The following RNF24 variants were observed in gnomAD, a reference collection of about 807,000 sequenced individuals.
The protein encoded by RNF24 is ring finger protein 24.
In RNF24, 14 loss-of-function variants were observed where a neutral mutation model predicts 20.0. The ratio of observed to expected loss-of-function variants is 0.70; its 90% CI spans 0.46 to 1.10. The LOEUF (loss-of-function observed/expected upper bound fraction) is 1.10. RNF24 is among the 50% of genes least tolerant of loss of function. The probability of loss-of-function intolerance (pLI) is 0.00; values close to 1 mark genes in which losing one functional copy is unlikely to be tolerated. For missense variants in RNF24, 124 were observed against 177.6 expected (o/e 0.70, Z 1.71); for synonymous variants, 45 against 61.1 (o/e 0.74, Z 1.23).
rs577152564 is a variant in RNF24, at chr20:4,002,108, G to A, written c.-8+13329C>T. Among the ~76,000 whole-genome samples, 87 of 152,070 alleles carry A rather than the reference G, an allele frequency of 5.7e-4. 3 individuals carry two copies. The South Asian group carries it at 0.012, about 22-fold the overall frequency. Reference sequence around the variant, plus strand: ...TCTACCAAAAATACAAAAATTAGCCGGGCGTGGTGGCTCATGCCTGTAATC... The same window carrying A: ...TCTACCAAAAATACAAAAATTAGCCAGGCGTGGTGGCTCATGCCTGTAATC... On this transcript the variant is annotated intron_variant, in intron 1 of 5. Transcript: ENST00000358395.
At chr20:3,986,179 T>A (rs566942096) in intron 1 of RNF24, among the ~76,000 whole-genome samples, 1 of 152,346 alleles carries the variant, frequency 6.6e-6, no homozygotes, top group East Asian at 1.9e-4. Context: ...GTTTTTTAAC[T>A]GTTCTTTTCA....
chr20:3,986,852 T>C (rs776096693), intron 1 of RNF24, among the ~76,000 whole-genome samples: 5 of 152,126 alleles, frequency 3.3e-5, no homozygotes, highest in Non-Finnish European at 7.3e-5. Flanking sequence ...GGTTTCGCCA[T>C]GTTAGCCAGG....
rs976733873 is a variant in RNF24, at chr20:3,981,780, A to C, written c.-7-17756T>G. Among the ~76,000 whole-genome samples the C allele has an allele frequency of 3.9e-5, 6 of 152,118 alleles. No individual in the cohort carries two copies. The East Asian group carries it at 1.2e-3, about 29-fold the overall frequency. On this transcript the variant is annotated intron_variant, in intron 1 of 5. Coordinates refer to ENST00000358395, the MANE Select transcript of RNF24 (RefSeq NM_001134337.3). ...CTACTCTTCCTCTTTAATATTTTCAAGGCTATTCTTACATAATCTTTTTTT... is the reference window on the plus strand; with the variant it reads ...CTACTCTTCCTCTTTAATATTTTCACGGCTATTCTTACATAATCTTTTTTT...
At chr20:3,941,325 T>G (rs1272135883) in intron 4 of RNF24, among the ~76,000 whole-genome samples, 1 of 152,118 alleles carries the variant, frequency 6.6e-6, no homozygotes, top group Non-Finnish European at 1.5e-5. Flanking sequence ...AATGATGGGA[T>G]TTTTCAATGT....
At chr20:4,006,128 G>A (rs117485555) in intron 1 of RNF24, among the ~76,000 whole-genome samples, 5,620 of 152,162 alleles carry the variant, frequency 0.037, 149 homozygotes, top group South Asian at 0.06. Context: ...TGTAATCCCC[G>A]CACTCTAGGA....
At chr20:3,974,816 G>A (rs1978722021) in intron 1 of RNF24, among the ~76,000 whole-genome samples, 1 of 151,974 alleles carries the variant, frequency 6.6e-6, no homozygotes. Context: ...ACTCAGCATA[G>A]GAAAGATATT....
At chr20:3,960,220 T>A (rs1237714639) in intron 2 of RNF24, among the ~76,000 whole-genome samples, 1 of 152,152 alleles carries the variant, frequency 6.6e-6, no homozygotes, top group Non-Finnish European at 1.5e-5. Context: ...GAGCTTAGGT[T>A]ATCATAAAAA....
intron 1 of RNF24, among the ~76,000 whole-genome samples, chr20:3,976,459 T>C (rs1042420423): frequency 2.0e-5 from 3 of 152,174 alleles, no homozygotes; most frequent in African/African-American, 4.8e-5. Flanking sequence ...CTCTGGAAAA[T>C]AGTTTGTCAG....
chr20:3,980,607 G>A (rs745824955), intron 1 of RNF24, among the ~76,000 whole-genome samples: 1 of 152,044 alleles, frequency 6.6e-6, no homozygotes, highest in South Asian at 2.1e-4. Context: ...AAATAAGGGC[G>A]AACTACTGTA....
intron 2 of RNF24, among the ~76,000 whole-genome samples, chr20:3,953,226 A>G (rs529440586): frequency 6.6e-6 from 1 of 152,074 alleles, no homozygotes; most frequent in Non-Finnish European, 1.5e-5. Context: ...ATCTCGGCTC[A>G]CTGCAAGCTC....
Position 3,932,751 on chromosome 20 carries a change from G to A in RNF24, c.*1312C>T, listed in dbSNP as rs781563055. ...CTAAGATGGAGGGAGGCGGAGAGCA[G>A]GGCTGTGGAAAAGAATTTTCCATCT... On this transcript the variant is annotated 3_prime_UTR_variant, in exon 6 of 6. Transcript: ENST00000358395. 5.0e-6 allele frequency: 2 copies of A among 396,850 alleles called. No individual in the cohort carries two copies. The highest frequency in any genetic ancestry group is 8.9e-6 in the Non-Finnish European group (2 of 225,520). 24.6% of individuals were successfully genotyped at this position (396,850 alleles called of 1,614,324 possible).
chr20:3,977,407 G>A (rs1056189201), intron 1 of RNF24, among the ~76,000 whole-genome samples: 1 of 152,108 alleles, frequency 6.6e-6, no homozygotes, highest in Non-Finnish European at 1.5e-5. Flanking sequence ...ATGACTAGCA[G>A]AGAGGAAAAA....
chr20:3,940,633 A>C (rs1489457997), intron 4 of RNF24, among the ~76,000 whole-genome samples: 1 of 152,182 alleles, frequency 6.6e-6, no homozygotes, highest in Non-Finnish European at 1.5e-5. Context: ...GCCTAGACAT[A>C]TCATAAATTG....
At chr20:3,995,146 T>C (rs1050337052) in intron 1 of RNF24, among the ~76,000 whole-genome samples, 3 of 152,216 alleles carry the variant, frequency 2.0e-5, no homozygotes, top group African/African-American at 7.2e-5. Flanking sequence ...CGGGGACTTG[T>C]AGGCAAGTCT....
intron 4 of RNF24, among the ~76,000 whole-genome samples, chr20:3,935,706 C>A (rs983483750): frequency 1.3e-5 from 2 of 152,194 alleles, no homozygotes; most frequent in African/African-American, 4.8e-5. Flanking sequence ...TGGAGAGAGG[C>A]CTTTGCCATC....
chr20:3,995,319 G>A (rs1335570530), intron 1 of RNF24, among the ~76,000 whole-genome samples: 1 of 151,966 alleles, frequency 6.6e-6, no homozygotes, highest in Non-Finnish European at 1.5e-5. Context: ...CATCTCCCTG[G>A]GCCACTCTGG....
chr20:3,984,210 C>T (rs1265292825), intron 1 of RNF24, among the ~76,000 whole-genome samples: 5 of 150,820 alleles, frequency 3.3e-5, no homozygotes, highest in Admixed American at 3.3e-4. Context: ...ACTCCAGTTT[C>T]GGTAACAGAG....
At chr20:3,944,525 GA>G (rs556914399) in intron 4 of RNF24, among the ~76,000 whole-genome samples, 2 of 152,226 alleles carry the variant, frequency 1.3e-5, no homozygotes, top group East Asian at 3.9e-4. Flanking sequence ...AGAAAACCCA[GA>G]AAGGGAGAAG....
chr20:3,964,078 C>T, intron 1 of RNF24, 54 bp from the exon 2 acceptor site: 2 of 1,523,272 alleles, frequency 1.3e-6, no homozygotes, highest in Admixed American at 1.8e-5. Flanking sequence ...AGAACCAAGA[C>T]AGCATTATCA....
Sources: allele counts gnomAD v4.1 joint callset (sites outside exome capture counted in the v4.1 genomes callset), GRCh38; gene constraint gnomAD v4.1.1; transcripts MANE v1.5; gene names NCBI Gene and HGNC (gene_info 2026-07-23, HGNC 2026-07-21).